The following CACNB2 variants were observed in gnomAD, a reference collection of about 807,000 sequenced individuals.
The protein encoded by CACNB2 is voltage-dependent L-type calcium channel subunit beta-2.
In CACNB2, 42 loss-of-function variants were observed where a neutral mutation model predicts 73.3. That is an observed-to-expected ratio of 0.57 (90% CI 0.45 to 0.74). CACNB2 has a LOEUF of 0.74. Among genes scored for constraint, CACNB2 ranks in the 30% least tolerant of loss-of-function variants. The probability of loss-of-function intolerance (pLI) is 0.00; values close to 1 mark genes in which losing one functional copy is unlikely to be tolerated. For synonymous variants in CACNB2, 348 were observed against 310.3 expected, an observed-to-expected ratio of 1.12 and a Z score of -1.28; for missense variants, 940 against 853.0, an observed-to-expected ratio of 1.10 and a Z score of -1.27.
At chr10:18,417,554 A>T (rs1053179869) in intron 3 of CACNB2, among the ~76,000 whole-genome samples, 1 of 151,746 alleles carries the variant, frequency 6.6e-6, no homozygotes, top group Non-Finnish European at 1.5e-5. Flanking sequence ...TTTTTAGTAG[A>T]GACAGGTTTC....
At chr10:18,534,333 G>A in intron 11 of CACNB2, 106 bp downstream of exon 11, 1 of 992,752 alleles carries the variant, frequency 1.0e-6, no homozygotes, top group Non-Finnish European at 1.6e-6. Context: ...ATGATGTATA[G>A]AGAATTTGAG....
In CACNB2 at chr10:18,427,080, C is replaced by A. The variant is rs192485803; in HGVS notation, c.333+25037C>A. Among the ~76,000 whole-genome samples the A allele has an allele frequency of 2.3e-3, 349 of 149,904 alleles. 1 individual carries two copies. Among genetic ancestry groups the A allele is most frequent in the African/African-American group, 7.8e-3 (319 of 40,712 alleles). ...AAGCGATTCTCCTGCCTTAGCCTCC[C>A]TAGTAGCTGGGATTACAGGCATGCG... is the stretch of plus-strand genomic sequence containing the variant. On this transcript the variant is annotated intron_variant, in intron 3 of 13. Transcript: ENST00000324631.
chr10:18,296,694 G>A (rs2039293368), intron 2 of CACNB2, among the ~76,000 whole-genome samples: 4 of 152,152 alleles, frequency 2.6e-5, no homozygotes, highest in African/African-American at 9.7e-5. Context: ...GGTACTTAGA[G>A]ATTTAAAAGG....
chr10:18,493,356 C>T (rs970912978), intron 3 of CACNB2, among the ~76,000 whole-genome samples: 11 of 152,216 alleles, frequency 7.2e-5, no homozygotes, highest in East Asian at 5.8e-4. Context: ...TTAGTAGAGA[C>T]GTGGTTTCTC....
chr10:18,267,724 G>C (rs1035307572), intron 2 of CACNB2, among the ~76,000 whole-genome samples: 3 of 152,234 alleles, frequency 2.0e-5, no homozygotes, highest in African/African-American at 4.8e-5. Flanking sequence ...GGCATGTGTA[G>C]AGAATGAGCT....
At chr10:18,209,445 C>T (rs2035229311) in intron 2 of CACNB2, among the ~76,000 whole-genome samples, 1 of 152,056 alleles carries the variant, frequency 6.6e-6, no homozygotes, top group African/African-American at 2.4e-5. Context: ...TGTGCTTTTC[C>T]AGATGTTTCC....
chr10:18,322,241 A>G (rs899256432), intron 2 of CACNB2, among the ~76,000 whole-genome samples: 1 of 152,178 alleles, frequency 6.6e-6, no homozygotes, highest in African/African-American at 2.4e-5. Context: ...TGATTTCCAA[A>G]TTAACATCTT....
chr10:18,339,470 G>A (rs147600044), intron 2 of CACNB2, among the ~76,000 whole-genome samples: 6,025 of 152,194 alleles, frequency 0.04, 200 homozygotes, highest in African/African-American at 0.091. Context: ...GCAGTGAGCC[G>A]AGATCGCGCC....
At chr10:18,515,006 C>T (rs1459900757) in intron 7 of CACNB2, 3 of 1,613,650 alleles carry the variant, frequency 1.9e-6, no homozygotes, top group South Asian at 1.1e-5. Flanking sequence ...TGAACAAGAC[C>T]AGTGGAAAAC....
intron 2 of CACNB2, among the ~76,000 whole-genome samples, chr10:18,213,471 C>G (rs1352961469): frequency 1.3e-5 from 2 of 152,146 alleles, no homozygotes; most frequent in African/African-American, 4.8e-5. Context: ...TGGTGCTGTT[C>G]CATTTCATGA....
intron 2 of CACNB2, among the ~76,000 whole-genome samples, chr10:18,258,944 G>C (rs2037404845): frequency 6.6e-6 from 1 of 151,276 alleles, no homozygotes. Context: ...GTGTAATTCA[G>C]AAATTTTGTT....
At chr10:18,366,148 G>T (rs1340195001) in intron 2 of CACNB2, among the ~76,000 whole-genome samples, 1 of 152,118 alleles carries the variant, frequency 6.6e-6, no homozygotes, top group Admixed American at 6.5e-5. Context: ...TCTAGGTCTG[G>T]GTCATGTAAA....
intron 3 of CACNB2, among the ~76,000 whole-genome samples, chr10:18,449,007 A>G (rs927696264): frequency 6.6e-6 from 1 of 152,334 alleles, no homozygotes; most frequent in African/African-American, 2.4e-5. Context: ...TAAGTGAACA[A>G]ATGGACCTTA....
intron 2 of CACNB2, among the ~76,000 whole-genome samples, chr10:18,166,058 T>C (rs184986655): frequency 5.3e-4 from 81 of 152,330 alleles, no homozygotes; most frequent in African/African-American, 4.6e-4. Flanking sequence ...TATGACTGTA[T>C]ATGTACAAGT....
At chr10:18,164,107 T>G (rs2032670917) in intron 2 of CACNB2, among the ~76,000 whole-genome samples, 1 of 152,228 alleles carries the variant, frequency 6.6e-6, no homozygotes, top group Non-Finnish European at 1.5e-5. Flanking sequence ...AAAAAGATCT[T>G]TGTAAACTTT....
intron 2 of CACNB2, among the ~76,000 whole-genome samples, chr10:18,280,471 C>G (rs989996082): frequency 6.6e-6 from 1 of 152,146 alleles, no homozygotes; most frequent in Non-Finnish European, 1.5e-5. Context: ...CACTTAATCC[C>G]TCTCCTAGTC....
intron 6 of CACNB2, among the ~76,000 whole-genome samples, chr10:18,511,307 G>A (rs1250328514): frequency 1.3e-5 from 2 of 152,078 alleles, no homozygotes; most frequent in African/African-American, 2.4e-5. Flanking sequence ...AACAATGGCA[G>A]GTATTCACTC....
chr10:18,160,684 TTG>T (rs2032393157), intron 2 of CACNB2, among the ~76,000 whole-genome samples: 1 of 152,216 alleles, frequency 6.6e-6, no homozygotes. Flanking sequence ...TTAGTTATTC[TTG>T]TGTCTCAGGT....
At position 18,542,032 on chromosome 10, in the gene CACNB2, A is replaced by G. The variant is rs1221131668; in HGVS notation, c.*2308A>G. 2.0e-5 allele frequency: 3 copies of G among 151,834 alleles called. No homozygotes were observed. The highest frequency in any genetic ancestry group is 4.4e-5 in the Non-Finnish European group (3 of 67,970). The allele number at this position is 151,834 out of a possible 1,614,324, so 9.4% of individuals were successfully genotyped here. A position where few individuals can be genotyped will look rare whatever the true frequency, so the allele number is the denominator to read the frequency against. ...TTTCCCTTACCCCCAAGAAAACGCAATATTAAAAATGATTAAGCTGGGGTG... is the reference window on the plus strand; with the variant it reads ...TTTCCCTTACCCCCAAGAAAACGCAGTATTAAAAATGATTAAGCTGGGGTG... On this transcript the variant is annotated 3_prime_UTR_variant, in exon 14 of 14. Transcript: ENST00000324631.
Sources: gnomAD v4.1 joint callset for allele counts (sites outside exome capture counted in the v4.1 genomes callset) on GRCh38, gnomAD v4.1.1 for gene constraint, MANE v1.5 for transcripts, NCBI Gene and HGNC (gene_info 2026-07-23, HGNC 2026-07-21) for gene names.